Variants in PRKCA observed in about 807,000 individuals in gnomAD.
PRKCA encodes the protein protein kinase C alpha, also known as protein kinase C alpha type.
In PRKCA, 27 loss-of-function variants were observed where a neutral mutation model predicts 87.0. That is an observed-to-expected ratio of 0.31 (90% CI 0.23 to 0.43). The LOEUF (loss-of-function observed/expected upper bound fraction) is 0.43, where lower values mean the gene tolerates loss of function less well. PRKCA is among the 20% of genes least tolerant of loss of function. The pLI is 1.00. For missense variants in PRKCA, 518 were observed against 852.3 expected (o/e 0.61, Z 4.88); for synonymous variants, 329 against 311.1 (o/e 1.06, Z -0.61).
At chr17:66,436,902 G>A (rs1913425182) in intron 2 of PRKCA, among the ~76,000 whole-genome samples, 1 of 152,104 alleles carries the variant, frequency 6.6e-6, no homozygotes, top group Non-Finnish European at 1.5e-5. Context: ...GAAAATTGAG[G>A]CTAACATAAT....
chr17:66,409,593 G>T (rs1171405778), intron 2 of PRKCA, among the ~76,000 whole-genome samples: 2 of 152,150 alleles, frequency 1.3e-5, no homozygotes, highest in Non-Finnish European at 2.9e-5. Flanking sequence ...ATTTTAGATA[G>T]ATAAAATCAG....
chr17:66,375,073 G>A (rs1388413202), intron 2 of PRKCA, among the ~76,000 whole-genome samples: 1 of 151,614 alleles, frequency 6.6e-6, no homozygotes, highest in Non-Finnish European at 1.5e-5. Context: ...TATCCTTTCT[G>A]CATGGTATGC....
intron 3 of PRKCA, among the ~76,000 whole-genome samples, chr17:66,536,461 AAAG>A (rs1187908171): frequency 6.6e-6 from 1 of 152,228 alleles, no homozygotes; most frequent in Non-Finnish European, 1.5e-5. Flanking sequence ...CAGTCTGGGA[AAAG>A]AAGGATAATG....
intron 3 of PRKCA, among the ~76,000 whole-genome samples, chr17:66,552,313 G>C (rs563803881): frequency 6.6e-6 from 1 of 152,238 alleles, no homozygotes; most frequent in Non-Finnish European, 1.5e-5. Flanking sequence ...AAAACAAAAA[G>C]ATGTATTTGT....
intron 13 of PRKCA, among the ~76,000 whole-genome samples, chr17:66,748,603 G>A (rs1302634228): frequency 6.6e-6 from 1 of 152,190 alleles, no homozygotes; most frequent in African/African-American, 2.4e-5. Context: ...CTAGCCACTG[G>A]GACTTGATGA....
intron 2 of PRKCA, among the ~76,000 whole-genome samples, chr17:66,471,496 T>C (rs1915320804): frequency 2.0e-5 from 3 of 152,214 alleles, no homozygotes; most frequent in South Asian, 2.1e-4. Flanking sequence ...CAGTGTGTTA[T>C]AGACAGTATA....
intron 3 of PRKCA, among the ~76,000 whole-genome samples, chr17:66,604,286 G>T (rs1219006031): frequency 6.6e-6 from 1 of 152,162 alleles, no homozygotes; most frequent in Admixed American, 6.5e-5. Context: ...AGGGTTCCTG[G>T]CATAATAAAC....
intron 3 of PRKCA, among the ~76,000 whole-genome samples, chr17:66,526,879 G>A (rs1456290507): frequency 6.6e-6 from 1 of 152,198 alleles, no homozygotes; most frequent in South Asian, 2.1e-4. Context: ...TGAAGAAGCA[G>A]TTTGGGGATA....
At chr17:66,794,627 T>TG (rs1408941221) in intron 16 of PRKCA, among the ~76,000 whole-genome samples, 2 of 148,556 alleles carry the variant, frequency 1.3e-5, no homozygotes, top group Admixed American at 6.7e-5. Context: ...GTTTTTTGTT[T>TG]TTTTTTTTTT....
chr17:66,578,894 G>T (rs1374305972), intron 3 of PRKCA, among the ~76,000 whole-genome samples: 1 of 152,218 alleles, frequency 6.6e-6, no homozygotes, highest in Non-Finnish European at 1.5e-5. Flanking sequence ...CGACCTGTGG[G>T]TGGCTCCCCG....
chr17:66,518,262 A>G (rs938243488), intron 3 of PRKCA, among the ~76,000 whole-genome samples: 1 of 152,204 alleles, frequency 6.6e-6, no homozygotes, highest in Non-Finnish European at 1.5e-5. Context: ...TGATGAGCAC[A>G]GTAGAAAGGA....
At position 66,805,573 on chromosome 17, in the gene PRKCA, G is replaced by A. The variant is rs569709676; in HGVS notation, c.*1536G>A. 5.9e-5 allele frequency: 9 copies of A among 152,366 alleles called. No individual in the cohort carries two copies. Among genetic ancestry groups the A allele is most frequent in the African/African-American group, 1.9e-4 (8 of 41,562 alleles). 9.4% of individuals were successfully genotyped at this position (152,366 alleles called of 1,614,324 possible). A position where few individuals can be genotyped will look rare whatever the true frequency, so the allele number is the denominator to read the frequency against. On this transcript the variant is annotated 3_prime_UTR_variant, in exon 17 of 17. Transcript: ENST00000413366. ...GATAGATTAGGCTCTTACTACATAT[G>A]TGTGTGTATATATATGTATTTGATT...
chr17:66,342,635 C>A (rs1293729192), intron 2 of PRKCA, among the ~76,000 whole-genome samples: 1 of 151,638 alleles, frequency 6.6e-6, no homozygotes, highest in Non-Finnish European at 1.5e-5. Flanking sequence ...TGTAACAGAG[C>A]CAAAGTCTGG....
intron 14 of PRKCA, chr17:66,778,297 A>G (rs1400237926): frequency 3.7e-6 from 3 of 814,542 alleles, no homozygotes; most frequent in Non-Finnish European, 4.4e-6. Context: ...GCGGATCACG[A>G]GGTCAGGAGA....
At chr17:66,660,031 G>A (rs1013887913) in intron 5 of PRKCA, among the ~76,000 whole-genome samples, 4 of 152,140 alleles carry the variant, frequency 2.6e-5, no homozygotes, top group Non-Finnish European at 4.4e-5. Flanking sequence ...CTGGGGAGGC[G>A]GTGTGCCACA....
At chr17:66,774,290 A>AAGTGT (rs1169069529) in intron 14 of PRKCA, 1 of 1,389,834 alleles carries the variant, frequency 7.2e-7, no homozygotes, top group Admixed American at 2.8e-5. Flanking sequence ...TGAAAGCTAC[A>AAGTGT]ACCTGGAGTG....
intron 8 of PRKCA, among the ~76,000 whole-genome samples, chr17:66,731,376 T>C (rs1218959529): frequency 7.4e-6 from 1 of 135,302 alleles, no homozygotes; most frequent in African/African-American, 3.1e-5. Context: ...AAAAAGAATG[T>C]ATCCAAGGCA....
chr17:66,660,119 C>CAA (rs755809575), intron 5 of PRKCA, among the ~76,000 whole-genome samples: 7 of 138,642 alleles, frequency 5.0e-5, no homozygotes, highest in African/African-American at 1.3e-4. Context: ...TAGGGATCAA[C>CAA]AAAAAAAAAA....
intron 3 of PRKCA, among the ~76,000 whole-genome samples, chr17:66,552,190 C>T (rs986805725): frequency 2.0e-5 from 3 of 151,980 alleles, no homozygotes; most frequent in Non-Finnish European, 4.4e-5. Context: ...CCCAATGAGT[C>T]GGGAGGTTGA....
Sources: allele counts gnomAD v4.1 joint callset (sites outside exome capture counted in the v4.1 genomes callset), GRCh38; gene constraint gnomAD v4.1.1; transcripts MANE v1.5; gene names NCBI Gene and HGNC (gene_info 2026-07-23, HGNC 2026-07-21).